MARCHF11: variants seen among roughly 807,000 people sequenced by gnomAD.
MARCHF11 encodes E3 ubiquitin-protein ligase MARCHF11.
A neutral mutation model predicts 37.3 loss-of-function variants in MARCHF11; 29 were observed. The ratio of observed to expected loss-of-function variants is 0.78; its 90% CI spans 0.58 to 1.06. The LOEUF (loss-of-function observed/expected upper bound fraction) is 1.06. Among genes scored for constraint, MARCHF11 ranks in the 50% least tolerant of loss-of-function variants. The pLI, the probability that MARCHF11 is intolerant of heterozygous loss-of-function variation, is 0.00. For missense variants in MARCHF11, 482 were observed against 533.4 expected (o/e 0.90, Z 0.95); for synonymous variants, 233 against 228.0 (o/e 1.02, Z -0.20).
intron 3 of MARCHF11, among the ~76,000 whole-genome samples, chr5:16,072,721 C>G (rs1736459638): frequency 6.6e-6 from 1 of 152,112 alleles, no homozygotes; most frequent in Non-Finnish European, 1.5e-5. Context: ...GAGTTTTGCC[C>G]TGCACTCCTT....
chr5:16,121,302 T>G (rs1166415908), intron 2 of MARCHF11, among the ~76,000 whole-genome samples: 2 of 152,232 alleles, frequency 1.3e-5, no homozygotes, highest in Non-Finnish European at 2.9e-5. Flanking sequence ...CTATATTTAC[T>G]ATTTATTTAT....
chr5:16,147,790 G>C (rs1737823805), intron 2 of MARCHF11, among the ~76,000 whole-genome samples: 2 of 152,054 alleles, frequency 1.3e-5, no homozygotes, highest in Admixed American at 1.3e-4. Flanking sequence ...CTGCACACTG[G>C]TTTGCAGTTA....
intron 2 of MARCHF11, among the ~76,000 whole-genome samples, chr5:16,171,113 T>G (rs1738255503): frequency 6.6e-6 from 1 of 152,084 alleles, no homozygotes; most frequent in African/African-American, 2.4e-5. Context: ...ATTTATTTAT[T>G]TATTATTATA....
Position 16,072,919 on chromosome 5 carries a change from T to C in MARCHF11, c.887-5126A>G, listed in dbSNP as rs117092314. Among the ~76,000 whole-genome samples the C allele has an allele frequency of 2.0e-5, 3 of 152,124 alleles. No individual in the cohort carries two copies. The East Asian group carries it at 5.8e-4, about 29-fold the overall frequency. On this transcript the variant is annotated intron_variant, in intron 3 of 3. Coordinates refer to ENST00000332432, the MANE Select transcript of MARCHF11 (RefSeq NM_001102562.3). ...ACTCCTAGAGGTATAATAATGTCAG[T>C]GACACACAAGGATGGTAAAGATAGA...
At chr5:16,095,784 T>C (rs1026161171) in intron 2 of MARCHF11, among the ~76,000 whole-genome samples, 2 of 152,056 alleles carry the variant, frequency 1.3e-5, no homozygotes, top group Non-Finnish European at 2.9e-5. Context: ...TCCTTCACAC[T>C]CAAATCCCAG....
chr5:16,123,741 G>A (rs933089515), intron 2 of MARCHF11, among the ~76,000 whole-genome samples: 1 of 151,852 alleles, frequency 6.6e-6, no homozygotes, highest in Admixed American at 6.6e-5. Context: ...CAGCATCTCC[G>A]ATCATCATAA....
chr5:16,144,374 G>A lies in MARCHF11; in HGVS notation c.693+33352C>T, dbSNP rs75479779. On this transcript the variant is annotated intron_variant, in intron 2 of 3. Coordinates refer to ENST00000332432, the MANE Select transcript of MARCHF11 (RefSeq NM_001102562.3). ...ATACCCAGACCATGCACACTCTCCC[G>A]GTGTGTTATTCGTCGCGATGTTCAG... Among the ~76,000 whole-genome samples, 298 of 152,218 alleles carry A rather than the reference G, an allele frequency of 2.0e-3. 2 individuals carry two copies. Among genetic ancestry groups the A allele is most frequent in the African/African-American group, 6.4e-3 (266 of 41,544 alleles).
intron 3 of MARCHF11, among the ~76,000 whole-genome samples, chr5:16,080,326 C>T (rs1038365852): frequency 3.5e-4 from 54 of 152,284 alleles, no homozygotes; most frequent in African/African-American, 1.3e-3. Flanking sequence ...TGACCCCACT[C>T]CTTTTCCAGC....
intron 2 of MARCHF11, among the ~76,000 whole-genome samples, chr5:16,134,647 T>C (rs1316216936): frequency 6.6e-6 from 1 of 152,198 alleles, no homozygotes; most frequent in Admixed American, 6.6e-5. Flanking sequence ...TTTCACCTAT[T>C]AGCCATACTT....
At chr5:16,098,426 A>C (rs192429100) in intron 2 of MARCHF11, among the ~76,000 whole-genome samples, 2 of 152,340 alleles carry the variant, frequency 1.3e-5, no homozygotes, top group South Asian at 4.1e-4. Context: ...GGGAATTTAC[A>C]AGAAAACCTG....
At position 16,126,983 on chromosome 5, in the gene MARCHF11, A is replaced by C. The variant is rs370806854; in HGVS notation, c.694-35902T>G. Among the ~76,000 whole-genome samples, 4 of 152,314 alleles carry C rather than the reference A, an allele frequency of 2.6e-5. No homozygotes were observed. The East Asian group carries it at 5.8e-4, about 22-fold the overall frequency. On this transcript the variant is annotated intron_variant, in intron 2 of 3. Transcript: ENST00000332432. ...TAACAACATAAATCTACCTGCTTACATCACCTTAGCTCAGTCAGAAAAAAG... is the reference window on the plus strand; with the variant it reads ...TAACAACATAAATCTACCTGCTTACCTCACCTTAGCTCAGTCAGAAAAAAG...
At chr5:16,108,651 G>C (rs773636240) in intron 2 of MARCHF11, among the ~76,000 whole-genome samples, 1 of 152,156 alleles carries the variant, frequency 6.6e-6, no homozygotes, top group African/African-American at 2.4e-5. Context: ...GCAGGGGAGA[G>C]AGAGAGTAAA....
At chr5:16,071,095 T>C (rs78771541) in intron 3 of MARCHF11, among the ~76,000 whole-genome samples, 2,806 of 152,280 alleles carry the variant, frequency 0.018, 72 homozygotes, top group African/African-American at 0.064. Context: ...TTTTAAAAAC[T>C]CTGTTAGTAT....
chr5:16,155,606 T>C (rs1737967993), intron 2 of MARCHF11, among the ~76,000 whole-genome samples: 1 of 151,990 alleles, frequency 6.6e-6, no homozygotes, highest in East Asian at 1.9e-4. Flanking sequence ...TTTCCTAAAC[T>C]GATTTAAACT....
At chr5:16,071,599 T>C (rs567482691) in intron 3 of MARCHF11, among the ~76,000 whole-genome samples, 3 of 152,340 alleles carry the variant, frequency 2.0e-5, no homozygotes, top group African/African-American at 7.2e-5. Flanking sequence ...GGGAAGGCTA[T>C]CCAGGTACAT....
intron 2 of MARCHF11, among the ~76,000 whole-genome samples, chr5:16,125,142 T>C (rs1406990102): frequency 6.6e-6 from 1 of 151,462 alleles, no homozygotes; most frequent in Admixed American, 6.6e-5. Flanking sequence ...CCATACATCG[T>C]AATTTGCAAT....
At chr5:16,106,064 A>T (rs868113297) in intron 2 of MARCHF11, among the ~76,000 whole-genome samples, 2 of 152,286 alleles carry the variant, frequency 1.3e-5, no homozygotes, top group Middle Eastern at 3.4e-3. Context: ...TCATAATGGG[A>T]GCTGGGTGGA....
intron 3 of MARCHF11, among the ~76,000 whole-genome samples, chr5:16,085,011 T>C (rs1450017552): frequency 8.7e-5 from 13 of 149,090 alleles, no homozygotes; most frequent in Admixed American, 2.0e-4. Context: ...TGTGTGTGTG[T>C]GCGCCTATAT....
chr5:16,077,713 C>T (rs1439571719), intron 3 of MARCHF11, among the ~76,000 whole-genome samples: 3 of 152,114 alleles, frequency 2.0e-5, no homozygotes, highest in Admixed American at 6.5e-5. Context: ...TCTTAATATT[C>T]TATTCTATGT....
Sources: gnomAD v4.1 joint callset for allele counts (sites outside exome capture counted in the v4.1 genomes callset) on GRCh38, gnomAD v4.1.1 for gene constraint, MANE v1.5 for transcripts, NCBI Gene and HGNC (gene_info 2026-07-23, HGNC 2026-07-21) for gene names.